Variants in LRBA observed in about 807,000 individuals in gnomAD.
LRBA encodes LPS responsive beige-like anchor protein.
LRBA carries 176 observed loss-of-function variants against 330.0 expected under a neutral mutation model. That is an observed-to-expected ratio of 0.53 (90% confidence interval 0.47 to 0.60). LRBA has a LOEUF of 0.60. Ranked by LOEUF, LRBA falls within the 20% of genes least tolerant of loss-of-function variation. The pLI, the probability that LRBA is intolerant of heterozygous loss-of-function variation, is 0.00. For synonymous variants in LRBA, 1,230 were observed against 1,193.0 expected (o/e 1.03, Z -0.64); for missense variants, 3,259 against 3,444.8 (o/e 0.95, Z 1.35).
At chr4:150,627,816 A>G (rs1333240391) in intron 37 of LRBA, among the ~76,000 whole-genome samples, 2 of 152,086 alleles carry the variant, frequency 1.3e-5, no homozygotes, top group African/African-American at 4.8e-5. Context: ...TTAGGAAGAA[A>G]AGAGAATTCT....
chr4:150,837,008 T>G (rs1220592895), intron 28 of LRBA, among the ~76,000 whole-genome samples: 2 of 152,202 alleles, frequency 1.3e-5, no homozygotes, highest in African/African-American at 4.8e-5. Context: ...TTGTTCTCAT[T>G]GGTTTCAAAG....
chr4:150,717,610 A>G (rs1006315777), intron 36 of LRBA, among the ~76,000 whole-genome samples: 14 of 150,946 alleles, frequency 9.3e-5, no homozygotes, highest in Non-Finnish European at 1.5e-4. Context: ...CAGTGAGCCA[A>G]AATCGCACCA....
At chr4:150,721,776 C>A (rs1728971320) in intron 36 of LRBA, among the ~76,000 whole-genome samples, 1 of 152,018 alleles carries the variant, frequency 6.6e-6, no homozygotes, top group Non-Finnish European at 1.5e-5. Flanking sequence ...TACCTCACGC[C>A]TGGCTAATTT....
chr4:150,609,690 T>A (rs189322435), intron 37 of LRBA, among the ~76,000 whole-genome samples: 85 of 152,314 alleles, frequency 5.6e-4, no homozygotes, highest in African/African-American at 2.0e-3. Context: ...TATGCTTTGG[T>A]GGCAATGGTT....
At chr4:150,836,768 G>A (rs1748163895) in intron 28 of LRBA, among the ~76,000 whole-genome samples, 1 of 151,982 alleles carries the variant, frequency 6.6e-6, no homozygotes, top group African/African-American at 2.4e-5. Context: ...TTGATTTTTT[G>A]AAGGGTTTTT....
chr4:150,885,492 A>C (rs1344318467), intron 17 of LRBA, among the ~76,000 whole-genome samples: 3 of 152,080 alleles, frequency 2.0e-5, no homozygotes, highest in Non-Finnish European at 4.4e-5. Context: ...ACAGTGGTAC[A>C]TGCCTGTAGT....
At position 150,372,840 on chromosome 4, in the gene LRBA, C is replaced by T. The variant is rs147253478; in HGVS notation, c.7195-22681G>A. On this transcript the variant is annotated intron_variant, in intron 47 of 56. Coordinates refer to ENST00000651943, the MANE Select transcript of LRBA (RefSeq NM_001364905.1). ...TGATTTTCATCTCCTATACTAAGTA[C>T]AGCTGACCTGTGTAAGCAATAAGAT... 2.4e-3 allele frequency among the ~76,000 whole-genome samples: 358 copies of T among 150,818 alleles called. 4 individuals carry two copies. Among genetic ancestry groups the T allele is most frequent in the African/African-American group, 8.5e-3 (351 of 41,154 alleles).
intron 40 of LRBA, among the ~76,000 whole-genome samples, chr4:150,516,352 T>C (rs1219314060): frequency 6.6e-6 from 1 of 151,580 alleles, no homozygotes; most frequent in Non-Finnish European, 1.5e-5. Context: ...CAGTTACCTT[T>C]CTATTGTTCT....
At chr4:150,794,294 T>G (rs1343079111) in intron 34 of LRBA, among the ~76,000 whole-genome samples, 2 of 152,090 alleles carry the variant, frequency 1.3e-5, no homozygotes, top group Non-Finnish European at 2.9e-5. Context: ...TTGCCTTTTT[T>G]GGGGGTGGTG....
At chr4:150,768,640 T>C (rs1736107312) in intron 34 of LRBA, among the ~76,000 whole-genome samples, 1 of 152,274 alleles carries the variant, frequency 6.6e-6, no homozygotes, top group Non-Finnish European at 1.5e-5. Context: ...AGGGAACTCA[T>C]GCATCACCAG....
chr4:150,905,905 G>T lies in LRBA; in HGVS notation c.1688C>A (p.Pro563His). 1 of 1,613,566 alleles carries T rather than the reference G, an allele frequency of 6.2e-7. No homozygotes were observed. The highest frequency in any genetic ancestry group is 8.5e-7 in the Non-Finnish European group (1 of 1,179,622). ...GTGATCACACAATTGCTTGAGCAGG[G>T]GCATCCCATTCTGCAGATTACTCAG... The part of the protein sequence containing the change: ...KYLSNLQNGM[P>H]LLKQLCDHVL... Residue 563 changes from proline (P) to histidine (H), a missense_variant, in exon 13 of 57, where the codon CCC (proline) becomes CAC (histidine). Coordinates refer to ENST00000651943, the MANE Select transcript of LRBA (RefSeq NM_001364905.1).
intron 47 of LRBA, among the ~76,000 whole-genome samples, chr4:150,410,570 T>C (rs1483905712): frequency 6.7e-6 from 1 of 148,778 alleles, no homozygotes; most frequent in African/African-American, 2.4e-5. Flanking sequence ...TTAGGACAAT[T>C]CAACAAGAGA....
At chr4:150,465,849 A>AT (rs1377626689) in intron 44 of LRBA, among the ~76,000 whole-genome samples, 3 of 152,120 alleles carry the variant, frequency 2.0e-5, no homozygotes, top group Non-Finnish European at 4.4e-5. Context: ...TCTAAGCACT[A>AT]TATCAGGCAC....
At chr4:150,272,341 A>T (rs1387252562) in intron 56 of LRBA, among the ~76,000 whole-genome samples, 1 of 152,182 alleles carries the variant, frequency 6.6e-6, no homozygotes, top group Non-Finnish European at 1.5e-5. Context: ...AGACTAAAGA[A>T]AGATAGATAA....
At chr4:150,318,017 T>C (rs1731949290) in intron 50 of LRBA, among the ~76,000 whole-genome samples, 2 of 152,170 alleles carry the variant, frequency 1.3e-5, no homozygotes, top group East Asian at 1.9e-4. Context: ...CATGAAAGTT[T>C]ATCTACTCCA....
At chr4:150,866,830 C>CA (rs940140253) in intron 22 of LRBA, among the ~76,000 whole-genome samples, 2 of 151,620 alleles carry the variant, frequency 1.3e-5, no homozygotes, top group Non-Finnish European at 2.9e-5. Context: ...CAGTAATTAA[C>CA]AAAAAAATGC....
At chr4:150,648,173 A>AAAAAAAAAAAAAAAAC (rs1258516510) in intron 37 of LRBA, among the ~76,000 whole-genome samples, 1 of 145,564 alleles carries the variant, frequency 6.9e-6, no homozygotes, top group Admixed American at 7.0e-5. Context: ...AAAAAAAAAA[A>AAAAAAAAAAAAAAAAC]AAAACTAGAA....
intron 51 of LRBA, chr4:150,310,920 G>C (rs1730979659): frequency 6.6e-6 from 1 of 152,274 alleles, no homozygotes; most frequent in Admixed American, 6.5e-5. Flanking sequence ...GTTTACAACT[G>C]CACTTGCATG....
intron 40 of LRBA, among the ~76,000 whole-genome samples, chr4:150,531,379 G>A (rs1764037287): frequency 6.6e-6 from 1 of 152,006 alleles, no homozygotes; most frequent in South Asian, 2.1e-4. Context: ...TGTTCCCTCT[G>A]CCTAGAATGT....
Sources: allele counts gnomAD v4.1 joint callset (sites outside exome capture counted in the v4.1 genomes callset), GRCh38; gene constraint gnomAD v4.1.1; transcripts MANE v1.5; gene names NCBI Gene and HGNC (gene_info 2026-07-23, HGNC 2026-07-21).